CFAP97D2: variants seen among roughly 807,000 people sequenced by gnomAD.
CFAP97D2 encodes the protein CFAP97 domain containing 2, also known as uncharacterized protein CFAP97D2.
rs34374094 is a variant in CFAP97D2, at chr13:114,195,916, CAAA to C, written c.91-465_91-463del. 3.4e-3 allele frequency among the ~76,000 whole-genome samples: 431 copies of C among 128,400 alleles called. 2 individuals are homozygous for C. Among genetic ancestry groups the C allele is most frequent in the African/African-American group, 6.3e-3 (223 of 35,540 alleles). The allele number at this position is 128,400 out of a possible 152,430, so 84.2% of individuals were successfully genotyped here. On this transcript the variant is annotated intron_variant, in intron 1 of 4. Coordinates refer to ENST00000646158, the Ensembl canonical transcript of CFAP97D2. ...GAAACCCTGTCTCTACTAAAAATTACAAAAAAAAAAAAAAAAACTAGCTGGGCA... is the reference window on the plus strand; with the variant it reads ...GAAACCCTGTCTCTACTAAAAATTACAAAAAAAAAAAAAACTAGCTGGGCA...
At chr13:114,221,890 C>T (rs2081024025) in intron 4 of CFAP97D2, among the ~76,000 whole-genome samples, 1 of 152,192 alleles carries the variant, frequency 6.6e-6, no homozygotes. Context: ...AACATACATT[C>T]ATGCAAAAAC....
At position 114,209,739 on chromosome 13, in the gene CFAP97D2, C is replaced by T. The variant is rs115982250; in HGVS notation, c.291-2173C>T. Among the ~76,000 whole-genome samples, 383 of 152,356 alleles carry T rather than the reference C, an allele frequency of 2.5e-3. 2 individuals are homozygous for T. The highest frequency in any genetic ancestry group is 9.0e-3 in the African/African-American group (375 of 41,584). On this transcript the variant is annotated intron_variant, in intron 3 of 4. Transcript: ENST00000646158. ...CGGTAAAAGAAAGCACAGTCACTTACTTGTGTGTTGACCTGTCTACTGTCT... is the reference window on the plus strand; with the variant it reads ...CGGTAAAAGAAAGCACAGTCACTTATTTGTGTGTTGACCTGTCTACTGTCT...
At chr13:114,180,937 T>A (rs2138744266) in intron 1 of CFAP97D2, among the ~76,000 whole-genome samples, 1 of 152,300 alleles carries the variant, frequency 6.6e-6, no homozygotes, top group African/African-American at 2.4e-5. Flanking sequence ...CAGAGATGAT[T>A]GAATAGTGAA....
At chr13:114,194,762 G>A (rs1228428491) in intron 1 of CFAP97D2, among the ~76,000 whole-genome samples, 1 of 152,164 alleles carries the variant, frequency 6.6e-6, no homozygotes, top group Non-Finnish European at 1.5e-5. Context: ...TAAACAAGAA[G>A]CAACATCAGA....
At chr13:114,215,116 C>A (rs1230279661) in intron 4 of CFAP97D2, among the ~76,000 whole-genome samples, 2 of 152,142 alleles carry the variant, frequency 1.3e-5, no homozygotes, top group African/African-American at 2.4e-5. Context: ...AATTGCCCCC[C>A]ACAAACAGTC....
chr13:114,209,339 C>T (rs1253951017), intron 3 of CFAP97D2, among the ~76,000 whole-genome samples: 5 of 152,118 alleles, frequency 3.3e-5, no homozygotes, highest in Non-Finnish European at 7.4e-5. Context: ...TGCACAATAA[C>T]ACGAGTAGGT....
Position 114,183,464 on chromosome 13 carries a change from G to A in CFAP97D2, c.90+4044G>A, listed in dbSNP as rs571681992. Among the ~76,000 whole-genome samples the A allele has an allele frequency of 7.9e-5, 12 of 152,084 alleles. No individual in the cohort carries two copies. The South Asian group carries it at 8.3e-4, about 11-fold the overall frequency. ...ATTACAGGTGTGAGCCACCACACCCGGCCAAAGATTGTCATTTATAAACAA... is the reference window on the plus strand; with the variant it reads ...ATTACAGGTGTGAGCCACCACACCCAGCCAAAGATTGTCATTTATAAACAA... On this transcript the variant is annotated intron_variant, in intron 1 of 4. Coordinates refer to ENST00000646158, the Ensembl canonical transcript of CFAP97D2.
chr13:114,181,665 A>G (rs1033816218), intron 1 of CFAP97D2, among the ~76,000 whole-genome samples: 3 of 152,216 alleles, frequency 2.0e-5, no homozygotes, highest in African/African-American at 7.2e-5. Flanking sequence ...AGCTCTTTGA[A>G]TAACTTAGTT....
At chr13:114,217,270 A>G (rs995174825) in intron 4 of CFAP97D2, among the ~76,000 whole-genome samples, 1 of 152,242 alleles carries the variant, frequency 6.6e-6, no homozygotes, top group African/African-American at 2.4e-5. Context: ...AATAAACTAG[A>G]AAATCTAGAA....
At chr13:114,213,932 C>T in intron 4 of CFAP97D2, among the ~76,000 whole-genome samples, 1 of 127,620 alleles carries the variant, frequency 7.8e-6, no homozygotes, top group South Asian at 2.9e-4. Context: ...AGCTCCAGGA[C>T]CACAGACCCC....
At chr13:114,209,718 A>G in intron 3 of CFAP97D2, among the ~76,000 whole-genome samples, 1 of 152,346 alleles carries the variant, frequency 6.6e-6, no homozygotes, top group African/African-American at 2.4e-5. Context: ...TAAGCACGGT[A>G]AAAGAAAGCA....
intron 2 of CFAP97D2, among the ~76,000 whole-genome samples, chr13:114,198,123 G>T (rs957495614): frequency 4.0e-5 from 6 of 151,878 alleles, no homozygotes; most frequent in African/African-American, 1.5e-4. Context: ...CAGTACCTGG[G>T]ACTACAGGCC....
chr13:114,185,705 C>T lies in CFAP97D2; in HGVS notation c.90+6285C>T, dbSNP rs2080851762. 6.6e-6 allele frequency among the ~76,000 whole-genome samples: 1 copy of T among 152,254 alleles called. No homozygotes were observed. The highest frequency in any genetic ancestry group is 6.5e-5 in the Admixed American group (1 of 15,288). ...AAGCCCAGGCACTGTCACAGCCCGG[C>T]TGGGTGTGCCCACACTTAGGGCAGA... On this transcript the variant is annotated intron_variant, in intron 1 of 4. Transcript: ENST00000646158. This position sits in a 1 kb window ranked among gnomAD's most constrained non-coding sequence, Gnocchi z 5.2.
chr13:114,190,266 A>G (rs1366800546), intron 1 of CFAP97D2, among the ~76,000 whole-genome samples: 1 of 152,242 alleles, frequency 6.6e-6, no homozygotes, highest in African/African-American at 2.4e-5. Flanking sequence ...ACTCCTCTTA[A>G]ACATCGTAAC....
intron 3 of CFAP97D2, among the ~76,000 whole-genome samples, chr13:114,210,682 C>T (rs977705518): frequency 6.6e-6 from 1 of 152,036 alleles, no homozygotes; most frequent in African/African-American, 2.4e-5. Flanking sequence ...GGTCTTCAGC[C>T]CTGTTGTCAC....
chr13:114,182,066 G>T (rs924421153), intron 1 of CFAP97D2, among the ~76,000 whole-genome samples: 1 of 151,972 alleles, frequency 6.6e-6, no homozygotes, highest in Non-Finnish European at 1.5e-5. Flanking sequence ...CACCAGCACC[G>T]GTCTCTGAGT....
At chr13:114,196,858 G>A (rs1452653815) in intron 2 of CFAP97D2, among the ~76,000 whole-genome samples, 1 of 152,226 alleles carries the variant, frequency 6.6e-6, no homozygotes, top group Non-Finnish European at 1.5e-5. Flanking sequence ...CAATCAATAC[G>A]TGTAAGGTGT....
chr13:114,200,986 C>A (rs919231139), intron 3 of CFAP97D2, among the ~76,000 whole-genome samples: 1 of 152,184 alleles, frequency 6.6e-6, no homozygotes, highest in Non-Finnish European at 1.5e-5. Flanking sequence ...AATCATGTAC[C>A]CCTGCATCCT....
chr13:114,194,182 A>G (rs905662513), intron 1 of CFAP97D2, among the ~76,000 whole-genome samples: 3 of 152,240 alleles, frequency 2.0e-5, no homozygotes, highest in African/African-American at 7.2e-5. Context: ...TCCACTTTTC[A>G]AACCATAATG....
Sources: gnomAD v4.1 joint callset for allele counts (sites outside exome capture counted in the v4.1 genomes callset) on GRCh38, gnomAD v4.1.1 for gene constraint, Gnocchi (gnomAD v3.1) non-coding constraint, MANE v1.5 for transcripts, NCBI Gene and HGNC (gene_info 2026-07-23, HGNC 2026-07-21) for gene names.